FAM53A: variants seen among roughly 807,000 people sequenced by gnomAD.
The protein encoded by FAM53A is family with sequence similarity 53 member A.
In FAM53A, 28 loss-of-function variants were observed where a neutral mutation model predicts 26.6. The observed-to-expected ratio is 1.05, with a 90% CI of 0.78 to 1.45. The LOEUF (loss-of-function observed/expected upper bound fraction) is 1.45, where lower values mean the gene tolerates loss of function less well. Among genes scored for constraint, FAM53A ranks in the 40% most tolerant of loss-of-function variants. FAM53A has a pLI of 0.00. For synonymous variants in FAM53A, 290 were observed against 253.1 expected (o/e 1.15, Z -1.38); for missense variants, 650 against 575.8 (o/e 1.13, Z -1.32).
chr4:1,590,653 G>A, the FAM53A span, among the ~76,000 whole-genome samples: 2 of 151,794 alleles, frequency 1.3e-5, no homozygotes, highest in African/African-American at 4.8e-5. Flanking sequence ...AACAAATTTT[G>A]GGTAGGTTGC....
the FAM53A span, among the ~76,000 whole-genome samples, chr4:1,589,910 T>G: frequency 6.6e-6 from 1 of 152,346 alleles, no homozygotes. Context: ...TTTCTGCTTT[T>G]TCTTTATTTA....
intron 1 of FAM53A, among the ~76,000 whole-genome samples, chr4:1,618,883 C>A (rs371580731): frequency 6.6e-6 from 1 of 152,162 alleles, no homozygotes. Flanking sequence ...GCCTCCACGG[C>A]CCCCCGAGGG....
chr4:1,636,892 G>GGA (rs1715868129), downstream of FAM53A, among the ~76,000 whole-genome samples: 1 of 152,074 alleles, frequency 6.6e-6, no homozygotes, highest in Admixed American at 6.5e-5. Flanking sequence ...GCTGGGGGGG[G>GGA]GTCCCATCTG....
At chr4:1,608,422 T>C in the FAM53A span, among the ~76,000 whole-genome samples, 1 of 152,168 alleles carries the variant, frequency 6.6e-6, no homozygotes, top group Non-Finnish European at 1.5e-5. Context: ...GCTGTTTCCA[T>C]GCTCACGGGC....
the FAM53A span, among the ~76,000 whole-genome samples, chr4:1,578,928 A>G: frequency 1.7e-5 from 1 of 59,840 alleles, no homozygotes; most frequent in Non-Finnish European, 3.4e-5. Context: ...AGGGGAGAGA[A>G]GAGGGGGAGG....
intron 1 of FAM53A, among the ~76,000 whole-genome samples, chr4:1,624,444 G>A (rs1020669877): frequency 2.0e-5 from 3 of 152,198 alleles, no homozygotes; most frequent in Admixed American, 6.5e-5. Context: ...GTGACAGTGC[G>A]GAGGCTGACG....
the FAM53A span, among the ~76,000 whole-genome samples, chr4:1,578,101 C>G: frequency 6.6e-6 from 1 of 152,118 alleles, no homozygotes; most frequent in Non-Finnish European, 1.5e-5. Context: ...CTTCAGGCGC[C>G]TGGGAAGGTC....
Position 1,655,661 on chromosome 4 carries a change from G to T in FAM53A, c.199C>A (p.Pro67Thr). ...AGGCCCGGCAGGAAGGAGAAATCAG[G>T]GCCCGTGGCTGCCTGGCTTCTGACG... The part of the protein sequence containing the change: ...PPVRSQAATG[P>T]DFSFLPGLSA... The change falls in exon 4 of 5, where the codon CCT (proline) becomes ACT (threonine). Residue 67 changes from proline to threonine, a missense_variant. Pro to Thr is a conservative substitution (Grantham distance 38). Transcript: ENST00000308132. 2 of 1,596,206 alleles carry T rather than the reference G, an allele frequency of 1.3e-6. No homozygotes were observed. The highest frequency in any genetic ancestry group is 2.2e-5 in the South Asian group (2 of 89,274).
At chr4:1,605,928 G>A in the FAM53A span, among the ~76,000 whole-genome samples, 2 of 152,034 alleles carry the variant, frequency 1.3e-5, no homozygotes, top group African/African-American at 4.8e-5. This position sits in a 1 kb window ranked among gnomAD's most constrained non-coding sequence, Gnocchi z 5.7. Flanking sequence ...GTCCTCTTTA[G>A]CCCAAACTGG....
chr4:1,672,763 T>A (rs1714771356), intron 1 of FAM53A, among the ~76,000 whole-genome samples: 2 of 13,076 alleles, frequency 1.5e-4, no homozygotes, highest in South Asian at 1.6e-3. Context: ...AATTTCCTTT[T>A]TTTTTTTTTT....
chr4:1,614,171 T>C (rs1035796625), downstream of FAM53A, among the ~76,000 whole-genome samples: 1 of 152,076 alleles, frequency 6.6e-6, no homozygotes, highest in African/African-American at 2.4e-5. Context: ...ACAGGAGGAT[T>C]GGGGCCTGCA....
intron 2 of FAM53A, among the ~76,000 whole-genome samples, chr4:1,661,065 C>T (rs776448316): frequency 3.4e-4 from 52 of 151,930 alleles, no homozygotes; most frequent in Non-Finnish European, 7.1e-4. Context: ...CCCATCACAC[C>T]GCCTCCTCTC....
Position 1,640,118 on chromosome 4 carries a change from C to T in FAM53A, c.*1175G>A, listed in dbSNP as rs1341029938. The T allele has an allele frequency of 1.3e-5, 2 of 153,426 alleles. No homozygotes were observed. The highest frequency in any genetic ancestry group is 2.9e-5 in the Non-Finnish European group (2 of 69,016). The allele number at this position is 153,426 out of a possible 1,614,324, so 9.5% of individuals were successfully genotyped here. A position where few individuals can be genotyped will look rare whatever the true frequency, so the allele number is the denominator to read the frequency against. ...GTGCTGACGGGTGCTGCCGGCAGGA[C>T]AGCCTTCCCAGAGGTCTGGCACTAC... On this transcript the variant is annotated 3_prime_UTR_variant, in exon 5 of 5. Coordinates refer to ENST00000308132, the MANE Select transcript of FAM53A (RefSeq NM_001174070.3).
At chr4:1,593,951 C>T in the FAM53A span, among the ~76,000 whole-genome samples, 8 of 152,216 alleles carry the variant, frequency 5.3e-5, no homozygotes, top group Non-Finnish European at 1.0e-4. Context: ...GTCTGTGACA[C>T]CAACAAGCAC....
chr4:1,620,176 C>T (rs2108741443), intron 1 of FAM53A, among the ~76,000 whole-genome samples: 1 of 145,676 alleles, frequency 6.9e-6, no homozygotes, highest in South Asian at 2.2e-4. Context: ...CACTGCACTC[C>T]AGGCTGGGTG....
chr4:1,634,918 A>T (rs535803139), downstream of FAM53A, among the ~76,000 whole-genome samples: 32 of 152,168 alleles, frequency 2.1e-4, no homozygotes, highest in African/African-American at 5.5e-4. Flanking sequence ...AAAAAATAAA[A>T]AAATAAAATC....
At chr4:1,646,582 C>A (rs1042119722) in intron 4 of FAM53A, among the ~76,000 whole-genome samples, 34 of 152,268 alleles carry the variant, frequency 2.2e-4, no homozygotes, top group Admixed American at 3.9e-4. Context: ...CAGCAGAGGC[C>A]CCCCCATGGA....
intron 4 of FAM53A, among the ~76,000 whole-genome samples, chr4:1,654,575 A>G (rs952827350): frequency 1.3e-5 from 2 of 152,214 alleles, no homozygotes; most frequent in Non-Finnish European, 2.9e-5. Flanking sequence ...TCTGCCTCGA[A>G]TGGGGCTCCC....
intron 1 of FAM53A, among the ~76,000 whole-genome samples, chr4:1,679,807 G>C (rs1383411716): frequency 6.6e-6 from 1 of 151,854 alleles, no homozygotes; most frequent in African/African-American, 2.4e-5. Flanking sequence ...CCAGCACTTT[G>C]GGAGACCGAG....
Sources: allele counts gnomAD v4.1 joint callset (sites outside exome capture counted in the v4.1 genomes callset), GRCh38; gene constraint gnomAD v4.1.1; non-coding constraint Gnocchi (gnomAD v3.1); transcripts MANE v1.5; gene names NCBI Gene and HGNC (gene_info 2026-07-23, HGNC 2026-07-21).